The following S100Z variants were observed in gnomAD, a reference collection of about 807,000 sequenced individuals.
S100Z encodes protein S100-Z.
A neutral mutation model predicts 8.5 loss-of-function variants in S100Z; 11 were observed. The observed-to-expected ratio is 1.30, with a 90% CI of 0.82 to 2.15. S100Z has a LOEUF of 2.15. Ranked by LOEUF, S100Z falls within the 30% of genes most tolerant of loss-of-function variation. The pLI is 0.00. For synonymous variants in S100Z, 34 were observed against 43.8 expected (o/e 0.78, Z 0.89); for missense variants, 126 against 117.9 (o/e 1.07, Z -0.32).
At position 76,863,745 on chromosome 5, in the gene S100Z, A is replaced by G. The variant is rs577138120; in HGVS notation, c.-175-6421A>G. Among the ~76,000 whole-genome samples, 512 of 152,030 alleles carry G rather than the reference A, an allele frequency of 3.4e-3. 1 individual carries two copies. The highest frequency in any genetic ancestry group is 0.011 in the African/African-American group (475 of 41,412). ...AGTAGAGACGGGGTTTCACCGTGTT[A>G]GCCAGGATGGTCTCGATCTCCTGAC... On this transcript the variant is annotated intron_variant, in intron 1 of 4. Transcript: ENST00000317593.
At position 76,871,235 on chromosome 5, in the gene S100Z, G is replaced by A. The variant is rs370753557; in HGVS notation, c.-57+951G>A. Reference sequence around the variant, plus strand: ...TATTTTGAAATGGTCCTGTAAAGCCGTCTTTTATGGGGGAAATTTTGCATC... The same window carrying A: ...TATTTTGAAATGGTCCTGTAAAGCCATCTTTTATGGGGGAAATTTTGCATC... On this transcript the variant is annotated intron_variant, in intron 2 of 4. Transcript: ENST00000317593. Among the ~76,000 whole-genome samples, 15 of 152,244 alleles carry A rather than the reference G, an allele frequency of 9.9e-5. No homozygotes were observed. The East Asian group carries it at 1.3e-3, about 14-fold the overall frequency.
At chr5:76,914,975 G>C (rs1580066321) in intron 4 of S100Z, among the ~76,000 whole-genome samples, 1 of 152,188 alleles carries the variant, frequency 6.6e-6, no homozygotes, top group African/African-American at 2.4e-5. Context: ...TGTTCTTGAA[G>C]TCAGCAAGAC....
rs781052456 is a variant in S100Z, at chr5:76,875,383, C to G, written c.24C>G (p.Ala8=). The G allele has an allele frequency of 7.4e-6, 12 of 1,612,882 alleles. No homozygotes were observed. The South Asian group carries it at 1.3e-4, about 18-fold the overall frequency. The part of the protein sequence containing the change: MPTQLEM[A]MDTMIRIFHR... ...ACATGCCCACCCAGCTCGAGATGGC[C>G]ATGGACACCATGATTAGAATCTTCC... Residue 8 remains alanine, a synonymous_variant, in exon 3 of 5, where the codon GCC becomes GCG. Coordinates refer to ENST00000317593, the MANE Select transcript of S100Z (RefSeq NM_130772.4).
the S100Z span, among the ~76,000 whole-genome samples, chr5:76,943,910 T>C: frequency 7.9e-6 from 1 of 127,380 alleles, no homozygotes; most frequent in African/African-American, 2.8e-5. Flanking sequence ...TGACACAGTG[T>C]ATTTATTTAA....
intron 4 of S100Z, among the ~76,000 whole-genome samples, chr5:76,907,005 T>TAC (rs1744472333): frequency 1.8e-4 from 3 of 16,828 alleles, no homozygotes; most frequent in Admixed American, 7.5e-4. Context: ...TATATATATA[T>TAC]ATATATATAT....
At chr5:76,870,601 G>A (rs972254653) in intron 2 of S100Z, among the ~76,000 whole-genome samples, 1 of 151,738 alleles carries the variant, frequency 6.6e-6, no homozygotes, top group Non-Finnish European at 1.5e-5. Flanking sequence ...CTTTCTAAAA[G>A]CTTGATTTTT....
chr5:76,867,831 C>T (rs899536705), intron 1 of S100Z, among the ~76,000 whole-genome samples: 3 of 152,268 alleles, frequency 2.0e-5, no homozygotes, highest in East Asian at 1.9e-4. Flanking sequence ...ATCCACCCAC[C>T]TTGGCCTCCC....
At chr5:76,875,095 G>T (rs1743137624) in intron 2 of S100Z, among the ~76,000 whole-genome samples, 2 of 152,054 alleles carry the variant, frequency 1.3e-5, no homozygotes, top group Non-Finnish European at 2.9e-5. Flanking sequence ...GTTTCACCGT[G>T]TTAGCCAGGA....
intron 4 of S100Z, among the ~76,000 whole-genome samples, chr5:76,897,144 T>C (rs1744064518): frequency 6.6e-6 from 1 of 152,170 alleles, no homozygotes; most frequent in African/African-American, 2.4e-5. Context: ...TCTGGGTCTT[T>C]TGTGGGTTCA....
In S100Z at chr5:76,907,248, T is replaced by C. The variant is rs1235577100; in HGVS notation, c.*3-13469T>C. On this transcript the variant is annotated intron_variant, in intron 4 of 4. Transcript: ENST00000317593. ...GTGAACACTTATTCTGTTCCATTGA[T>C]CTATATGTCTATCCTTTCCTGATAC... Among the ~76,000 whole-genome samples, 10 of 152,144 alleles carry C rather than the reference T, an allele frequency of 6.6e-5. No individual in the cohort carries two copies. In the East Asian group the frequency reaches 1.9e-3, roughly 29 times the overall value.
chr5:76,897,517 AG>A (rs1445949183), intron 4 of S100Z, among the ~76,000 whole-genome samples: 2 of 151,962 alleles, frequency 1.3e-5, no homozygotes, highest in Non-Finnish European at 2.9e-5. Flanking sequence ...ATTTCTGTGA[AG>A]AATGTCATTG....
chr5:76,914,717 C>T (rs565157911), intron 4 of S100Z, among the ~76,000 whole-genome samples: 3 of 151,794 alleles, frequency 2.0e-5, no homozygotes, highest in South Asian at 4.2e-4. Flanking sequence ...ACACTCACCG[C>T]GAAGGTCTGC....
the S100Z span, among the ~76,000 whole-genome samples, chr5:76,949,845 T>G: frequency 6.6e-6 from 1 of 152,218 alleles, no homozygotes; most frequent in African/African-American, 2.4e-5. Flanking sequence ...GGTATAAAGT[T>G]TCAGCTATGC....
the S100Z span, among the ~76,000 whole-genome samples, chr5:76,941,600 T>G: frequency 6.6e-6 from 1 of 152,160 alleles, no homozygotes; most frequent in African/African-American, 2.4e-5. Context: ...GAGAACAGAG[T>G]AGTACACAAG....
chr5:76,888,905 T>A (rs1351048021), intron 4 of S100Z, among the ~76,000 whole-genome samples: 2 of 152,192 alleles, frequency 1.3e-5, no homozygotes, highest in African/African-American at 4.8e-5. Context: ...ACATGGTGAT[T>A]CTCCCGCCTT....
At chr5:76,866,514 C>A (rs1253212557) in intron 1 of S100Z, among the ~76,000 whole-genome samples, 1 of 152,244 alleles carries the variant, frequency 6.6e-6, no homozygotes, top group Non-Finnish European at 1.5e-5. Context: ...CCAACTCACA[C>A]AGAGCAACTT....
chr5:76,871,117 C>A (rs1250169769), intron 2 of S100Z, among the ~76,000 whole-genome samples: 1 of 151,984 alleles, frequency 6.6e-6, no homozygotes, highest in African/African-American at 2.4e-5. Context: ...TTTGGGATAC[C>A]AAATTCCAAC....
Position 76,878,894 on chromosome 5 carries a change from G to A in S100Z, c.*2+1060G>A, listed in dbSNP as rs556794828. ...TGCTGATGGATTCATAGTGAAGTGT[G>A]AGGAAAAGAGAGAAGTCCAGGATGA... On this transcript the variant is annotated intron_variant, in intron 4 of 4. Transcript: ENST00000317593. Among the ~76,000 whole-genome samples the A allele has an allele frequency of 8.5e-5, 13 of 152,280 alleles. No individual in the cohort carries two copies. The South Asian group carries it at 2.1e-3, about 24-fold the overall frequency.
intron 1 of S100Z, among the ~76,000 whole-genome samples, chr5:76,867,216 C>A (rs190860821): frequency 6.6e-6 from 1 of 152,310 alleles, no homozygotes. Flanking sequence ...TACTCACCAC[C>A]CTCAAAAGTG....
Sources: gnomAD v4.1 joint callset for allele counts (sites outside exome capture counted in the v4.1 genomes callset) on GRCh38, gnomAD v4.1.1 for gene constraint, MANE v1.5 for transcripts, NCBI Gene and HGNC (gene_info 2026-07-23, HGNC 2026-07-21) for gene names.